The following KCTD16 variants were observed in gnomAD, a reference collection of about 807,000 sequenced individuals.
KCTD16 encodes the protein potassium channel tetramerization domain containing 16, also known as BTB/POZ domain-containing protein KCTD16.
In KCTD16, 13 loss-of-function variants were observed where a neutral mutation model predicts 33.2. The ratio of observed to expected loss-of-function variants is 0.39; its 90% confidence interval spans 0.25 to 0.62. KCTD16 has a LOEUF of 0.62. Among genes scored for constraint, KCTD16 ranks in the 20% least tolerant of loss-of-function variants. The probability of loss-of-function intolerance (pLI) is 0.50; values close to 1 mark genes in which losing one functional copy is unlikely to be tolerated. For missense variants in KCTD16, 441 were observed against 525.1 expected (o/e 0.84, Z 1.57); for synonymous variants, 197 against 195.3 (o/e 1.01, Z -0.07).
chr5:144,319,005 C>T (rs569128065), intron 3 of KCTD16, among the ~76,000 whole-genome samples: 1 of 151,700 alleles, frequency 6.6e-6, no homozygotes, highest in East Asian at 1.9e-4. Context: ...GAGGAAATGA[C>T]TAAAATAATT....
At chr5:144,435,821 T>C (rs1307097259) in intron 3 of KCTD16, among the ~76,000 whole-genome samples, 1 of 147,672 alleles carries the variant, frequency 6.8e-6, no homozygotes, top group Non-Finnish European at 1.5e-5. Flanking sequence ...GTGTGCGCTT[T>C]CCTGTGTGTG....
In KCTD16 at chr5:144,473,977, G is replaced by A. The variant is rs757167871; in HGVS notation, c.1150G>A (p.Ala384Thr). The change falls in exon 4 of 4, where the codon GCT becomes ACT. Residue 384 changes from alanine to threonine, a missense_variant. Physicochemically the swap from Ala to Thr is moderately conservative, Grantham distance 58. This residue lies in a region of KCTD16 where 355 missense variants were observed against 413.0 expected (regional missense o/e 0.86). Transcript: ENST00000512467. ...ATCGAACATGAGCAGCAAAAAAAAAGCTGTTAAAGAAAAGCTCTCAATTGA... is the reference window on the plus strand; with the variant it reads ...ATCGAACATGAGCAGCAAAAAAAAAACTGTTAAAGAAAAGCTCTCAATTGA... ...RESNMSSKKKAVKEKLSIEEE... is the reference protein window; with the variant it reads ...RESNMSSKKKTVKEKLSIEEE... The A allele has an allele frequency of 1.9e-6, 3 of 1,613,836 alleles. No individual in the cohort carries two copies. Among genetic ancestry groups the A allele is most frequent in the African/African-American group, 1.3e-5 (1 of 74,898 alleles).
chr5:144,311,988 C>G (rs981395724), intron 3 of KCTD16, among the ~76,000 whole-genome samples: 1 of 152,020 alleles, frequency 6.6e-6, no homozygotes, highest in Non-Finnish European at 1.5e-5. Context: ...CTTCTTCCCT[C>G]TGAACATTGT....
chr5:144,183,480 C>T (rs942506019), intron 2 of KCTD16, among the ~76,000 whole-genome samples: 3 of 152,004 alleles, frequency 2.0e-5, no homozygotes, highest in Non-Finnish European at 4.4e-5. Context: ...CTCATTTTGC[C>T]CCCTAGTGGC....
chr5:144,356,070 T>G (rs1751563710), intron 3 of KCTD16, among the ~76,000 whole-genome samples: 1 of 152,196 alleles, frequency 6.6e-6, no homozygotes, highest in South Asian at 2.1e-4. Flanking sequence ...GATTGTCTTA[T>G]TCCTAAGAAG....
At chr5:144,205,751 C>T in intron 2 of KCTD16, 1 of 395,440 alleles carries the variant, frequency 2.5e-6, no homozygotes, top group Non-Finnish European at 4.5e-6. Flanking sequence ...AACCCAACCT[C>T]CTCTCATCAG....
intron 3 of KCTD16, among the ~76,000 whole-genome samples, chr5:144,306,786 C>G (rs549428154): frequency 6.6e-6 from 1 of 152,310 alleles, no homozygotes; most frequent in South Asian, 2.1e-4. Context: ...ACAAACCTTT[C>G]TAAATTCCTG....
rs548565640 is a variant in KCTD16 at position 144,303,140 on chromosome 5, T to C, written c.832+95594T>C. On this transcript the variant is annotated intron_variant, in intron 3 of 3. Coordinates refer to ENST00000512467, the MANE Select transcript of KCTD16 (RefSeq NM_020768.4). ...GTTTGCTGGCCATTAGCAATCTTGA[T>C]AGACGTGTCAAGGACAGAAGACCTC... 1.7e-4 allele frequency among the ~76,000 whole-genome samples: 26 copies of C among 152,304 alleles called. No homozygotes were observed. The South Asian group carries it at 2.5e-3, about 15-fold the overall frequency.
intron 2 of KCTD16, among the ~76,000 whole-genome samples, chr5:144,202,553 T>A (rs1753067336): frequency 6.6e-6 from 1 of 152,186 alleles, no homozygotes; most frequent in Non-Finnish European, 1.5e-5. Context: ...AGGCCAATCT[T>A]GAACCAAACC....
intron 3 of KCTD16, among the ~76,000 whole-genome samples, chr5:144,256,019 T>G (rs1754835946): frequency 6.6e-6 from 1 of 152,172 alleles, no homozygotes; most frequent in African/African-American, 2.4e-5. Flanking sequence ...AAATACCAAG[T>G]CAGTACCGTA....
intron 3 of KCTD16, among the ~76,000 whole-genome samples, chr5:144,276,649 A>G (rs1755445306): frequency 6.6e-6 from 1 of 152,192 alleles, no homozygotes; most frequent in African/African-American, 2.4e-5. Flanking sequence ...CACGCCTGTA[A>G]TCTCAGCAAT....
intron 3 of KCTD16, among the ~76,000 whole-genome samples, chr5:144,425,891 C>CCCATTGT (rs1753318393): frequency 6.6e-6 from 1 of 152,100 alleles, no homozygotes; most frequent in African/African-American, 2.4e-5. Flanking sequence ...AGGTCTTTCT[C>CCCATTGT]CCATTGTCTT....
chr5:144,270,933 AT>A (rs1321460832), intron 3 of KCTD16, among the ~76,000 whole-genome samples: 2 of 151,958 alleles, frequency 1.3e-5, no homozygotes, highest in Non-Finnish European at 2.9e-5. Context: ...AAAAGAACAA[AT>A]TTGTAGAAAC....
At chr5:144,252,790 A>G (rs1754737188) in intron 3 of KCTD16, among the ~76,000 whole-genome samples, 1 of 151,812 alleles carries the variant, frequency 6.6e-6, no homozygotes, top group Non-Finnish European at 1.5e-5. Context: ...TGGTGTCAGG[A>G]AAGTTTCATC....
At chr5:144,278,005 G>A (rs1266947340) in intron 3 of KCTD16, among the ~76,000 whole-genome samples, 3 of 151,954 alleles carry the variant, frequency 2.0e-5, no homozygotes, top group Admixed American at 6.6e-5. Context: ...AAATTTCTAC[G>A]AGCAAAAGTT....
chr5:144,377,264 C>G (rs1231047058), intron 3 of KCTD16, among the ~76,000 whole-genome samples: 1 of 152,016 alleles, frequency 6.6e-6, no homozygotes, highest in Admixed American at 6.6e-5. Context: ...TAATAGAGGT[C>G]CTGGATACAG....
intron 3 of KCTD16, among the ~76,000 whole-genome samples, chr5:144,318,146 C>A (rs1171415998): frequency 6.6e-6 from 1 of 152,154 alleles, no homozygotes; most frequent in African/African-American, 2.4e-5. Flanking sequence ...GGTCCTCTTG[C>A]GGTGACCATT....
At chr5:144,290,345 C>T (rs2126861613) in intron 3 of KCTD16, among the ~76,000 whole-genome samples, 1 of 152,134 alleles carries the variant, frequency 6.6e-6, no homozygotes, top group African/African-American at 2.4e-5. Context: ...ATAAAAAACT[C>T]TATCGTATTT....
intron 3 of KCTD16, among the ~76,000 whole-genome samples, chr5:144,405,046 C>T (rs73795538): frequency 0.014 from 2,084 of 152,224 alleles, 39 homozygotes; most frequent in African/African-American, 0.046. Context: ...ATTAGGATAA[C>T]AGGTACTTTC....
Sources: allele counts gnomAD v4.1 joint callset (sites outside exome capture counted in the v4.1 genomes callset), GRCh38; gene constraint gnomAD v4.1.1; regional missense constraint gnomAD v4.1.1; transcripts MANE v1.5; gene names NCBI Gene and HGNC (gene_info 2026-07-23, HGNC 2026-07-21).